Variants in SEMA3F observed in about 807,000 individuals in gnomAD.
SEMA3F encodes semaphorin-3F.
A neutral mutation model predicts 98.5 loss-of-function variants in SEMA3F; 30 were observed. That is an observed-to-expected ratio of 0.30 (90% CI 0.23 to 0.41). The LOEUF is 0.41. Among genes scored for constraint, SEMA3F ranks in the 10% least tolerant of loss-of-function variants. The pLI is 1.00. For missense variants in SEMA3F, 866 were observed against 1,119.3 expected, an observed-to-expected ratio of 0.77 and a Z score of 3.23; for synonymous variants, 380 against 444.8, an observed-to-expected ratio of 0.85 and a Z score of 1.83.
chr3:50,169,593 C>T (rs917531040), intron 2 of SEMA3F, among the ~76,000 whole-genome samples: 10 of 152,200 alleles, frequency 6.6e-5, no homozygotes, highest in African/African-American at 2.4e-4. Flanking sequence ...CTTCCTCCCC[C>T]TAAGGTCAAA....
chr3:50,185,585 C>G, intron 14 of SEMA3F, 54 bp downstream of exon 14: 1 of 1,612,100 alleles, frequency 6.2e-7, no homozygotes, highest in Non-Finnish European at 8.5e-7. Context: ...TCCCCCCAGT[C>G]CCAGCCTCTG....
chr3:50,161,226 A>T (rs138689006), intron 2 of SEMA3F, among the ~76,000 whole-genome samples: 1 of 152,264 alleles, frequency 6.6e-6, no homozygotes, highest in Non-Finnish European at 1.5e-5. Flanking sequence ...GTCATCATGC[A>T]TGCAAGTAAG....
In SEMA3F at chr3:50,176,943, C is replaced by T. The variant is rs773148176; in HGVS notation, c.643+82C>T. The T allele has an allele frequency of 7.7e-5, 88 of 1,147,686 alleles. 1 individual carries two copies. The highest frequency in any genetic ancestry group is 6.9e-4 in the South Asian group (56 of 80,968). 71.1% of individuals were successfully genotyped at this position (1,147,686 alleles called of 1,614,324 possible). On this transcript the variant is annotated intron_variant, in intron 7 of 18. Transcript: ENST00000002829. ...ATGGGGCATGGCACCAACACTTACC[C>T]AAGGGCAGAGACCATGACTAGGCTG...
intron 16 of SEMA3F, 48 bp from the exon 17 acceptor site, chr3:50,186,233 G>A (rs777381591): frequency 6.3e-7 from 1 of 1,592,658 alleles, no homozygotes; most frequent in Non-Finnish European, 8.6e-7. Context: ...AGGGACCTGG[G>A]GGGGCAAGCT....
chr3:50,183,507 G>T lies in SEMA3F; in HGVS notation c.1176G>T (p.Gly392=). ...ACGGGCCCTTTGCCCACAAAGAGGG[G>T]CCCAACTACCAGTGGATGCCCTTCT... The part of the protein sequence containing the change: ...VFNGPFAHKE[G]PNYQWMPFSG... Residue 392 remains glycine, a synonymous_variant, in exon 12 of 19, where the codon GGG becomes GGT. Transcript: ENST00000002829. The T allele has an allele frequency of 6.2e-7, 1 of 1,614,088 alleles. No homozygotes were observed. Among genetic ancestry groups the T allele is most frequent in the Non-Finnish European group, 8.5e-7 (1 of 1,180,036 alleles).
In SEMA3F at chr3:50,182,391, C is replaced by T. The variant is rs1465334003; in HGVS notation, c.751C>T (p.Arg251Trp). ...TAMRTDQYNS[R>W]WLNDPSFIHA... ...CATGCGCACGGATCAGTACAACTCC[C>T]GGTGGCTGAACGGTAAGCGCAGCCC... Residue 251 changes from arginine to tryptophan, a missense_variant, in exon 8 of 19, where the codon CGG becomes TGG. By Grantham distance (101) the Arg-to-Trp change is moderately radical. Coordinates refer to ENST00000002829, the MANE Select transcript of SEMA3F (RefSeq NM_004186.5). This position sits in a 1 kb window ranked among gnomAD's most constrained non-coding sequence, Gnocchi z 4.5. The T allele has an allele frequency of 9.3e-6, 15 of 1,613,866 alleles. No individual in the cohort carries two copies. The highest frequency in any genetic ancestry group is 1.7e-5 in the Admixed American group (1 of 60,024).
intron 2 of SEMA3F, among the ~76,000 whole-genome samples, chr3:50,164,039 G>A (rs1698312948): frequency 6.6e-6 from 1 of 152,214 alleles, no homozygotes; most frequent in South Asian, 2.1e-4. Context: ...CTAGGAATTG[G>A]TCTTTGGAGA....
At chr3:50,184,152 C>A in intron 12 of SEMA3F, 1 of 234,902 alleles carries the variant, frequency 4.3e-6, no homozygotes, top group South Asian at 6.3e-5. Flanking sequence ...CTGGCCATGA[C>A]GGGGGGCAGG....
intron 7 of SEMA3F, among the ~76,000 whole-genome samples, chr3:50,179,802 G>A (rs1698955766): frequency 6.6e-6 from 1 of 152,156 alleles, no homozygotes; most frequent in Admixed American, 6.5e-5. Context: ...ACCAGCCTCC[G>A]CTGGTTTCAA....
At chr3:50,175,646 C>T (rs1391781107) in intron 6 of SEMA3F, among the ~76,000 whole-genome samples, 2 of 151,436 alleles carry the variant, frequency 1.3e-5, no homozygotes, top group African/African-American at 2.4e-5. Flanking sequence ...GTGCTTGGGG[C>T]GCTCTTCTCC....
In SEMA3F at chr3:50,169,777, A is replaced by C. The variant is rs3774748; in HGVS notation, c.113-4016A>C. On this transcript the variant is annotated intron_variant, in intron 2 of 18. Transcript: ENST00000002829. ...TAGGACATGACCAGGCTGGGTCTGC[A>C]TCAGCCCTGGCCCCCACTGATGCCA... Among the ~76,000 whole-genome samples, 8,214 of 152,310 alleles carry C rather than the reference A, an allele frequency of 0.054. 1,579 individuals are homozygous for C. The East Asian group carries it at 0.61, about 11-fold the overall frequency.
At chr3:50,168,591 G>A (rs771633725) in intron 2 of SEMA3F, among the ~76,000 whole-genome samples, 5 of 152,180 alleles carry the variant, frequency 3.3e-5, no homozygotes, top group Non-Finnish European at 7.3e-5. Flanking sequence ...GGGGTTGTAG[G>A]TCTGTGGCCA....
chr3:50,155,319 GC>G, upstream of SEMA3F: 2 of 308,706 alleles, frequency 6.5e-6, no homozygotes, highest in Non-Finnish European at 5.9e-6. This position sits in a 1 kb window ranked among gnomAD's most constrained non-coding sequence, Gnocchi z 4.9. Flanking sequence ...AGGGGAGGCG[GC>G]CCCGAGCGCC....
chr3:50,169,121 C>T (rs745557567), intron 2 of SEMA3F, among the ~76,000 whole-genome samples: 11 of 152,270 alleles, frequency 7.2e-5, no homozygotes, highest in South Asian at 2.1e-4. Flanking sequence ...CCTCTTTTTG[C>T]GGCAGCCCAC....
At chr3:50,175,007 G>A in intron 5 of SEMA3F, 89 bp from the exon 6 acceptor site, 1 of 856,670 alleles carries the variant, frequency 1.2e-6, no homozygotes. Flanking sequence ...TGTGTTCCTG[G>A]CCTGTGTGGT....
At position 50,159,664 on chromosome 3, in the gene SEMA3F, C is replaced by T. The variant is rs1046953; in HGVS notation, c.42C>T (p.Thr14=). The T allele has an allele frequency of 0.42, 671,793 of 1,610,692 alleles. 145,180 individuals carry two copies. Among genetic ancestry groups the T allele is most frequent in the South Asian group, 0.66 (60,411 of 90,876 alleles). Reference sequence around the variant, plus strand: ...TTCTTCTCTGGGCTTCCCTACTGACCGGGGCCTGGCCATCCTTCCCCACCC... The same window carrying T: ...TTCTTCTCTGGGCTTCCCTACTGACTGGGGCCTGGCCATCCTTCCCCACCC... The part of the protein sequence containing the change: ...AGLLLWASLL[T]GAWPSFPTQD... The change falls in exon 2 of 19, where the codon ACC becomes ACT. Residue 14 remains threonine, a synonymous_variant. Transcript: ENST00000002829.
intron 5 of SEMA3F, among the ~76,000 whole-genome samples, chr3:50,174,640 T>C (rs1698740417): frequency 6.6e-6 from 1 of 152,258 alleles, no homozygotes; most frequent in African/African-American, 2.4e-5. Context: ...GCAACAGCTC[T>C]CTTGGCTATG....
chr3:50,160,004 C>T (rs1314963741), intron 2 of SEMA3F, among the ~76,000 whole-genome samples: 1 of 152,144 alleles, frequency 6.6e-6, no homozygotes, highest in African/African-American at 2.4e-5. Context: ...GGCCTGAGGT[C>T]TGTAGGGCAT....
chr3:50,183,691 C>T (rs961870506), intron 12 of SEMA3F, 127 bp downstream of exon 12: 4 of 972,962 alleles, frequency 4.1e-6, no homozygotes, highest in Non-Finnish European at 6.2e-6. Flanking sequence ...AGCTGTAATG[C>T]ACACACAGAC....
Sources: gnomAD v4.1 joint callset for allele counts (sites outside exome capture counted in the v4.1 genomes callset) on GRCh38, gnomAD v4.1.1 for gene constraint, Gnocchi (gnomAD v3.1) non-coding constraint, MANE v1.5 for transcripts, NCBI Gene and HGNC (gene_info 2026-07-23, HGNC 2026-07-21) for gene names.